The following OCA2 variants were observed in gnomAD, a reference collection of about 807,000 sequenced individuals.
OCA2 encodes the protein P protein.
In OCA2, 77 loss-of-function variants were observed where a neutral mutation model predicts 100.2. That is an observed-to-expected ratio of 0.77 (90% CI 0.64 to 0.93). OCA2 has a LOEUF of 0.93. Among genes scored for constraint, OCA2 ranks in the 40% least tolerant of loss-of-function variants. The probability of loss-of-function intolerance (pLI) is 0.00; values close to 1 mark genes in which losing one functional copy is unlikely to be tolerated. For missense variants in OCA2, 1,062 were observed against 1,089.1 expected (o/e 0.98, Z 0.35); for synonymous variants, 432 against 439.2 (o/e 0.98, Z 0.21).
chr15:27,725,234 C>G, the OCA2 span, among the ~76,000 whole-genome samples: 5 of 152,230 alleles, frequency 3.3e-5, no homozygotes, highest in African/African-American at 1.2e-4. Context: ...GGACCACACG[C>G]CAACATGGGC....
intron 21 of OCA2, among the ~76,000 whole-genome samples, chr15:27,861,862 T>C (rs1469616300): frequency 6.6e-6 from 1 of 151,964 alleles, no homozygotes; most frequent in African/African-American, 2.4e-5. Flanking sequence ...CTGCGAATGA[T>C]CAGCAGAGTG....
At position 27,860,780 on chromosome 15, in the gene OCA2, T is replaced by C. The variant is rs2036102297; in HGVS notation, c.2245-9305A>G. Reference sequence around the variant, plus strand: ...GGACACGCAAGGGCACATGTCTTTTTGGTAGAATGATTCCATCTCCTTTGG... The same window carrying C: ...GGACACGCAAGGGCACATGTCTTTTCGGTAGAATGATTCCATCTCCTTTGG... On this transcript the variant is annotated intron_variant, in intron 21 of 23. Coordinates refer to ENST00000354638, the MANE Select transcript of OCA2 (RefSeq NM_000275.3). 5.9e-5 allele frequency among the ~76,000 whole-genome samples: 9 copies of C among 152,338 alleles called. No individual in the cohort carries two copies. The South Asian group carries it at 1.7e-3, about 28-fold the overall frequency.
intron 23 of OCA2, among the ~76,000 whole-genome samples, chr15:27,819,968 A>C (rs1325518485): frequency 6.6e-6 from 1 of 152,218 alleles, no homozygotes; most frequent in Non-Finnish European, 1.5e-5. Context: ...GGAAGGGCTC[A>C]CGGAAAGAAA....
intron 2 of OCA2, among the ~76,000 whole-genome samples, chr15:28,050,866 C>G (rs564490239): frequency 6.6e-6 from 1 of 152,288 alleles, no homozygotes; most frequent in African/African-American, 2.4e-5. Flanking sequence ...CCTCATGCCA[C>G]TAGGGAAAAT....
intron 9 of OCA2, among the ~76,000 whole-genome samples, chr15:28,008,782 G>A (rs1448052561): frequency 1.3e-5 from 2 of 152,238 alleles, no homozygotes; most frequent in Non-Finnish European, 2.9e-5. Context: ...GATCAGGGAG[G>A]AGGCCATAGC....
At chr15:27,906,628 A>T (rs1306544567) in intron 19 of OCA2, among the ~76,000 whole-genome samples, 1 of 152,198 alleles carries the variant, frequency 6.6e-6, no homozygotes, top group Middle Eastern at 3.2e-3. Context: ...TCAAGGAAGA[A>T]GATAAAAATC....
intron 14 of OCA2, among the ~76,000 whole-genome samples, chr15:27,967,244 G>A (rs531931312): frequency 1.3e-5 from 2 of 152,320 alleles, no homozygotes; most frequent in East Asian, 3.9e-4. Context: ...CTCACCAGGA[G>A]TTCCAGGACC....
chr15:27,884,176 G>T (rs974777338), intron 19 of OCA2, among the ~76,000 whole-genome samples: 2 of 152,178 alleles, frequency 1.3e-5, no homozygotes, highest in Non-Finnish European at 2.9e-5. Flanking sequence ...GAGCTCAGGA[G>T]TTCAAGACCA....
At chr15:27,942,638 A>T (rs903275938) in intron 18 of OCA2, among the ~76,000 whole-genome samples, 1 of 152,116 alleles carries the variant, frequency 6.6e-6, no homozygotes, top group African/African-American at 2.4e-5. Context: ...TGAATGATAT[A>T]ATTTTGCAAG....
chr15:28,016,337 G>A (rs1393642526), intron 7 of OCA2, 151 bp from the exon 8 acceptor site: 1 of 715,326 alleles, frequency 1.4e-6, no homozygotes, highest in East Asian at 2.6e-5. Context: ...TCACATCTCT[G>A]ATGTTAGGAG....
chr15:27,737,759 TAAC>T, the OCA2 span, among the ~76,000 whole-genome samples: 1 of 152,342 alleles, frequency 6.6e-6, no homozygotes, highest in South Asian at 2.1e-4. Context: ...GCCTTAAAAT[TAAC>T]AACTTTTGTT....
chr15:27,752,794 T>TCC (rs1430340470), downstream of OCA2, among the ~76,000 whole-genome samples: 9 of 25,426 alleles, frequency 3.5e-4, no homozygotes, highest in African/African-American at 1.0e-3. Flanking sequence ...CAGGTCCTGG[T>TCC]CCCCCACCCC....
chr15:27,885,609 C>G (rs747670360), intron 19 of OCA2, among the ~76,000 whole-genome samples: 1 of 152,378 alleles, frequency 6.6e-6, no homozygotes, highest in Non-Finnish European at 1.5e-5. Flanking sequence ...ACTCTCCTCA[C>G]AGAACCTGTG....
At chr15:27,962,253 A>G (rs2040432860) in intron 15 of OCA2, among the ~76,000 whole-genome samples, 1 of 152,242 alleles carries the variant, frequency 6.6e-6, no homozygotes, top group Non-Finnish European at 1.5e-5. Flanking sequence ...GCCCAGCACC[A>G]TTGTGAGCTC....
chr15:27,846,184 G>A (rs1268847500), intron 22 of OCA2, among the ~76,000 whole-genome samples: 1 of 152,072 alleles, frequency 6.6e-6, no homozygotes, highest in Non-Finnish European at 1.5e-5. Context: ...CCCCCTCTGG[G>A]CACTGTTGCA....
At chr15:27,752,932 G>C (rs1274282067), downstream of OCA2, among the ~76,000 whole-genome samples, 1 of 151,820 alleles carries the variant, frequency 6.6e-6, no homozygotes, top group Admixed American at 6.6e-5. Flanking sequence ...TTCTCTGGCT[G>C]CTGCGCTAGG....
chr15:27,825,074 A>G (rs760604542), intron 23 of OCA2, among the ~76,000 whole-genome samples: 2 of 152,208 alleles, frequency 1.3e-5, no homozygotes, highest in African/African-American at 4.8e-5. Context: ...TTATCATTAC[A>G]TGACAAAATT....
chr15:27,923,487 T>A (rs2038939395), intron 19 of OCA2, among the ~76,000 whole-genome samples: 1 of 152,206 alleles, frequency 6.6e-6, no homozygotes, highest in Non-Finnish European at 1.5e-5. Flanking sequence ...CAGCAGTGTA[T>A]AAGTGATCTC....
At chr15:28,004,460 C>T (rs1404072421) in intron 9 of OCA2, among the ~76,000 whole-genome samples, 4 of 152,172 alleles carry the variant, frequency 2.6e-5, no homozygotes, top group African/African-American at 9.7e-5. Flanking sequence ...GCGGGGCACC[C>T]GGACCGTCTG....
Sources: gnomAD v4.1 joint callset for allele counts (sites outside exome capture counted in the v4.1 genomes callset) on GRCh38, gnomAD v4.1.1 for gene constraint, MANE v1.5 for transcripts, NCBI Gene and HGNC (gene_info 2026-07-23, HGNC 2026-07-21) for gene names.